ARHGAP12: variants seen among roughly 807,000 people sequenced by gnomAD.
The protein encoded by ARHGAP12 is Rho GTPase activating protein 12.
Under a neutral mutation model 108.6 loss-of-function variants are expected in ARHGAP12, and 64 were observed. That is an observed-to-expected ratio of 0.59 (90% CI 0.48 to 0.73). ARHGAP12 has a LOEUF of 0.73. Among genes scored for constraint, ARHGAP12 ranks in the 30% least tolerant of loss-of-function variants. The pLI is 0.00. For missense variants in ARHGAP12, 940 were observed against 1,005.9 expected, an observed-to-expected ratio of 0.93 and a Z score of 0.89; for synonymous variants, 312 against 337.2, an observed-to-expected ratio of 0.93 and a Z score of 0.82.
At chr10:31,878,444 A>G (rs1228168847) in intron 3 of ARHGAP12, among the ~76,000 whole-genome samples, 2 of 152,238 alleles carry the variant, frequency 1.3e-5, no homozygotes, top group Admixed American at 1.3e-4. Context: ...GAGAAATCAC[A>G]TAATAGACAC....
intron 7 of ARHGAP12, among the ~76,000 whole-genome samples, chr10:31,842,858 AC>A (rs1313495702): frequency 6.6e-6 from 1 of 152,114 alleles, no homozygotes. Flanking sequence ...TGAATAAGTA[AC>A]CTCTAAAGAA....
intron 1 of ARHGAP12, among the ~76,000 whole-genome samples, chr10:31,918,784 G>A (rs1171555556): frequency 6.6e-6 from 1 of 152,158 alleles, no homozygotes; most frequent in African/African-American, 2.4e-5. Context: ...CACTGCTGGT[G>A]GAAATGTAAA....
Position 31,826,383 on chromosome 10 carries a change from T to C in ARHGAP12, c.1451A>G (p.Lys484Arg). The change falls in exon 11 of 20, where the codon AAG (lysine) becomes AGG (arginine). Residue 484 changes from lysine to arginine, a missense_variant and splice_region_variant. By Grantham distance (26) the Lys-to-Arg change is conservative (BLOSUM62 2). Coordinates refer to ENST00000344936, the MANE Select transcript of ARHGAP12 (RefSeq NM_018287.7). Reference protein sequence around the residue: ...KIAENGKKVRKNWLSSWAVLQ... With the variant: ...KIAENGKKVRRNWLSSWAVLQ... ...CACCGCCCAAGAAGACAACCAGTTC[T>C]TTCTGTAATTATAAAGATGACCGAT... 1 of 1,608,448 alleles carries C rather than the reference T, an allele frequency of 6.2e-7. No individual in the cohort carries two copies. The highest frequency in any genetic ancestry group is 8.5e-7 in the Non-Finnish European group (1 of 1,177,772).
chr10:31,840,907 T>A (rs958637212), intron 7 of ARHGAP12, among the ~76,000 whole-genome samples: 4 of 152,028 alleles, frequency 2.6e-5, no homozygotes, highest in Admixed American at 6.6e-5. Flanking sequence ...AAAATTTAAC[T>A]TAAGATCCAA....
At chr10:31,888,915 C>CTT (rs35366983) in intron 3 of ARHGAP12, among the ~76,000 whole-genome samples, 13 of 147,030 alleles carry the variant, frequency 8.8e-5, no homozygotes, top group Admixed American at 2.7e-4. Flanking sequence ...CATAAGAGGA[C>CTT]TTTTTTTTTT....
At chr10:31,868,700 T>C (rs1056493061) in intron 3 of ARHGAP12, among the ~76,000 whole-genome samples, 1 of 151,460 alleles carries the variant, frequency 6.6e-6, no homozygotes, top group Non-Finnish European at 1.5e-5. Context: ...CCTTGGGAGG[T>C]TGAGGCGGGA....
chr10:31,912,742 C>G (rs562784454), intron 1 of ARHGAP12, among the ~76,000 whole-genome samples: 2 of 151,868 alleles, frequency 1.3e-5, no homozygotes, highest in Non-Finnish European at 2.9e-5. Flanking sequence ...TAGTCAATAC[C>G]GGGGTGAAGG....
At chr10:31,899,605 C>T (rs1422349085) in intron 3 of ARHGAP12, among the ~76,000 whole-genome samples, 3 of 152,028 alleles carry the variant, frequency 2.0e-5, no homozygotes, top group Non-Finnish European at 2.9e-5. Flanking sequence ...GACAAAGGAA[C>T]GAAGTCAATT....
intron 13 of ARHGAP12, 30 bp from the exon 14 acceptor site, chr10:31,814,391 T>A: frequency 1.3e-6 from 2 of 1,496,438 alleles, no homozygotes; most frequent in Non-Finnish European, 1.9e-6. Flanking sequence ...CAAACACATA[T>A]TACACTTCTA....
intron 3 of ARHGAP12, among the ~76,000 whole-genome samples, chr10:31,904,287 A>G (rs1839035876): frequency 6.6e-6 from 1 of 152,222 alleles, no homozygotes; most frequent in Non-Finnish European, 1.5e-5. Flanking sequence ...AACAAAAAGA[A>G]CAAACTATTG....
chr10:31,808,986 A>G lies in ARHGAP12; in HGVS notation c.2263+8T>C, dbSNP rs375142522. ...TCTAGAAAAAACTGAGTAGAATTACATACTTACTAATTGCATTAACAAAAT... is the reference window on the plus strand; with the variant it reads ...TCTAGAAAAAACTGAGTAGAATTACGTACTTACTAATTGCATTAACAAAAT... On this transcript the variant is annotated splice_region_variant and intron_variant, in intron 18 of 19. Coordinates refer to ENST00000344936, the MANE Select transcript of ARHGAP12 (RefSeq NM_018287.7). 4 of 1,569,772 alleles carry G rather than the reference A, an allele frequency of 2.5e-6. No homozygotes were observed. The African/African-American group carries it at 5.5e-5, about 21-fold the overall frequency.
At chr10:31,810,549 T>G in intron 16 of ARHGAP12, 100 bp downstream of exon 16, 1 of 771,320 alleles carries the variant, frequency 1.3e-6, no homozygotes, top group Non-Finnish European at 2.1e-6. Context: ...GAACTTCTGT[T>G]TGCATCACTC....
rs1564362177 is a variant in ARHGAP12 at position 31,808,764 on chromosome 10, A to G, written c.2264-13T>C. 1.2e-6 allele frequency: 2 copies of G among 1,611,272 alleles called. No individual in the cohort carries two copies. The highest frequency in any genetic ancestry group is 2.2e-5 in the East Asian group (1 of 44,864). On this transcript the variant is annotated splice_polypyrimidine_tract_variant and intron_variant, in intron 18 of 19. Coordinates refer to ENST00000344936, the MANE Select transcript of ARHGAP12 (RefSeq NM_018287.7). Reference sequence around the variant, plus strand: ...CTTGGTTCTTGCTCTGAAAAAAGATAATAACCAGATATTTTACAGCAAATT... The same window carrying G: ...CTTGGTTCTTGCTCTGAAAAAAGATGATAACCAGATATTTTACAGCAAATT...
In ARHGAP12 at chr10:31,807,773, C is replaced by A. The variant is rs754510617; in HGVS notation, c.2426G>T (p.Gly809Val). Residue 809 changes from glycine to valine, a missense_variant, in exon 20 of 20, where the codon GGT (glycine) becomes GTT (valine). Gly to Val is a moderately radical substitution (Grantham distance 109). Coordinates refer to ENST00000344936, the MANE Select transcript of ARHGAP12 (RefSeq NM_018287.7). ...MTYQSIAIVF[G>V]PTLLKPEKET... ...TTTTTCTGGTTTTAATAGAGTGGGA[C>A]CAAAAACAATTGCTATACTCTGATA... The A allele has an allele frequency of 6.2e-7, 1 of 1,604,452 alleles. No homozygotes were observed. Among genetic ancestry groups the A allele is most frequent in the Non-Finnish European group, 8.5e-7 (1 of 1,175,930 alleles).
At chr10:31,884,894 T>C (rs1418756065) in intron 3 of ARHGAP12, among the ~76,000 whole-genome samples, 1 of 152,222 alleles carries the variant, frequency 6.6e-6, no homozygotes, top group Non-Finnish European at 1.5e-5. Context: ...CATTTCTTCA[T>C]AAATTTTTAA....
chr10:31,896,607 A>G (rs1838708586), intron 3 of ARHGAP12, among the ~76,000 whole-genome samples: 1 of 152,170 alleles, frequency 6.6e-6, no homozygotes, highest in Admixed American at 6.6e-5. Flanking sequence ...ACGAACATCA[A>G]TGTGATTATG....
intron 3 of ARHGAP12, among the ~76,000 whole-genome samples, chr10:31,884,947 CTTAT>C (rs767705315): frequency 7.9e-5 from 12 of 151,832 alleles, no homozygotes; most frequent in Non-Finnish European, 1.3e-4. Flanking sequence ...CAATTATTTT[CTTAT>C]TTTTTTTTAA....
intron 3 of ARHGAP12, among the ~76,000 whole-genome samples, chr10:31,862,705 GAC>G (rs559731195): frequency 0.23 from 29,966 of 132,950 alleles, 3,140 homozygotes; most frequent in East Asian, 0.47. Context: ...TGCACACACA[GAC>G]ACACACACAC....
At chr10:31,840,688 T>C (rs573078073) in intron 7 of ARHGAP12, among the ~76,000 whole-genome samples, 3 of 152,242 alleles carry the variant, frequency 2.0e-5, no homozygotes, top group Admixed American at 2.0e-4. Flanking sequence ...GGGAATTTGT[T>C]TTAAGTAACA....
Sources: gnomAD v4.1 joint callset for allele counts (sites outside exome capture counted in the v4.1 genomes callset) on GRCh38, gnomAD v4.1.1 for gene constraint, MANE v1.5 for transcripts, NCBI Gene and HGNC (gene_info 2026-07-23, HGNC 2026-07-21) for gene names.